The following KPNA7 variants were observed in gnomAD, a reference collection of about 807,000 sequenced individuals.
The protein encoded by KPNA7 is karyopherin subunit alpha 7.
KPNA7 carries 54 observed loss-of-function variants against 53.7 expected under a neutral mutation model. The ratio of observed to expected loss-of-function variants is 1.01; its 90% CI spans 0.81 to 1.26. The LOEUF is 1.26. Ranked by LOEUF, KPNA7 falls within the 50% of genes most tolerant of loss-of-function variation. The pLI is 0.00. For synonymous variants in KPNA7, 276 were observed against 259.3 expected (o/e 1.06, Z -0.62); for missense variants, 640 against 644.5 (o/e 0.99, Z 0.07).
chr7:99,200,210 G>T (rs931831588), intron 3 of KPNA7, among the ~76,000 whole-genome samples: 1 of 151,716 alleles, frequency 6.6e-6, no homozygotes, highest in East Asian at 1.9e-4. Context: ...GCTAATTTTC[G>T]TATTTTTCGT....
At chr7:99,151,131 C>T in the KPNA7 span, among the ~76,000 whole-genome samples, 6,268 of 152,096 alleles carry the variant, frequency 0.041, 437 homozygotes, top group African/African-American at 0.14. Flanking sequence ...GTGAACATGA[C>T]GAAGGTTTTT....
the KPNA7 span, among the ~76,000 whole-genome samples, chr7:99,150,911 G>C: frequency 6.6e-6 from 1 of 152,098 alleles, no homozygotes; most frequent in Non-Finnish European, 1.5e-5. Context: ...TCCTGGCGAG[G>C]CTCTAATCTT....
intron 1 of KPNA7, among the ~76,000 whole-genome samples, chr7:99,213,768 A>G (rs1248008612): frequency 1.3e-5 from 2 of 151,872 alleles, no homozygotes; most frequent in Non-Finnish European, 2.9e-5. Flanking sequence ...GCACCACCAT[A>G]CTCAGCTAAT....
the KPNA7 span, among the ~76,000 whole-genome samples, chr7:99,150,474 G>A: frequency 6.7e-6 from 1 of 149,988 alleles, no homozygotes; most frequent in Non-Finnish European, 1.5e-5. Flanking sequence ...GAGTGCAATG[G>A]CGCGATCTCA....
Position 99,203,089 on chromosome 7 carries a change from A to C in KPNA7, c.201+17T>G. 6.4e-7 allele frequency: 1 copy of C among 1,551,444 alleles called. No individual in the cohort carries two copies. The highest frequency in any genetic ancestry group is 8.7e-7 in the Non-Finnish European group (1 of 1,146,794). ...AACATATTTTGCCCAAGACTACTCT[A>C]AACACTACATACTGACCGCCACCCC... On this transcript the variant is annotated intron_variant, in intron 3 of 10. Transcript: ENST00000327442.
intron 7 of KPNA7, among the ~76,000 whole-genome samples, chr7:99,187,798 TTAAAAAAAAAAA>T (rs1789686582): frequency 3.5e-4 from 1 of 2,892 alleles, no homozygotes; most frequent in African/African-American, 5.3e-4. Context: ...GCCTTTTTTT[TTAAAAAAAAAAA>T]AAAAAAAAAA....
downstream of KPNA7, among the ~76,000 whole-genome samples, chr7:99,170,199 A>G (rs759464657): frequency 6.6e-6 from 1 of 152,198 alleles, no homozygotes; most frequent in Non-Finnish European, 1.5e-5. Flanking sequence ...ATCTGATGGA[A>G]GCCTTTGCCA....
chr7:99,185,806 T>G (rs1240180351), intron 7 of KPNA7, among the ~76,000 whole-genome samples: 1 of 152,122 alleles, frequency 6.6e-6, no homozygotes, highest in Non-Finnish European at 1.5e-5. Context: ...GTTTGTTTGT[T>G]TTTTGAGACA....
At chr7:99,209,701 A>AAAAAAAAAAAG (rs1791003697), upstream of KPNA7, among the ~76,000 whole-genome samples, 8 of 148,378 alleles carry the variant, frequency 5.4e-5, no homozygotes, top group African/African-American at 2.0e-4. Flanking sequence ...AAAAAAAAAA[A>AAAAAAAAAAAG]AAAAAAAAAG....
the KPNA7 span, among the ~76,000 whole-genome samples, chr7:99,154,780 C>T: frequency 6.6e-6 from 1 of 152,088 alleles, no homozygotes; most frequent in Non-Finnish European, 1.5e-5. Flanking sequence ...CCACCTCAAC[C>T]TCTGAAAGTG....
At chr7:99,157,292 C>A in the KPNA7 span, among the ~76,000 whole-genome samples, 1 of 152,196 alleles carries the variant, frequency 6.6e-6, no homozygotes, top group African/African-American at 2.4e-5. Context: ...TGACTGCAAC[C>A]TCCACCTCCC....
chr7:99,197,476 G>A (rs1445202041), intron 3 of KPNA7, among the ~76,000 whole-genome samples: 1 of 152,132 alleles, frequency 6.6e-6, no homozygotes, highest in African/African-American at 2.4e-5. Flanking sequence ...ACATATATAT[G>A]TGAAAAAAGC....
intron 2 of KPNA7, among the ~76,000 whole-genome samples, chr7:99,204,010 C>G (rs776510314): frequency 6.6e-6 from 1 of 152,040 alleles, no homozygotes; most frequent in Non-Finnish European, 1.5e-5. Context: ...GTGCATGGCC[C>G]ATTTCCACTA....
In KPNA7 at chr7:99,207,440, C is replaced by T. The variant is rs1186073389; in HGVS notation, c.27G>A (p.Glu9=). Residue 9 remains glutamate, a synonymous_variant, in exon 2 of 11, where the codon GAG becomes GAA. Transcript: ENST00000327442. MPTLDAPE[E]RRRKFKYRGK... The stretch of plus-strand genomic sequence containing the variant: ...CTCGGTACTTAAATTTTCTCCGCCT[C>T]TCTTCTGGAGCATCTAAGGTCGGCA... 3 of 1,551,278 alleles carry T rather than the reference C, an allele frequency of 1.9e-6. No homozygotes were observed. Among genetic ancestry groups the T allele is most frequent in the African/African-American group, 2.7e-5 (2 of 72,982 alleles).
rs1292822294 is a variant in KPNA7 at position 99,173,573 on chromosome 7, G to C, written c.*135C>G. On this transcript the variant is annotated 3_prime_UTR_variant, in exon 11 of 11. Coordinates refer to ENST00000327442, the MANE Select transcript of KPNA7 (RefSeq NM_001145715.3). The stretch of plus-strand genomic sequence containing the variant: ...ATCTGAAGTTCAGATAGAGAAACGT[G>C]AAAGTGTTGAACATTTTATTAATGT... 3 of 585,554 alleles carry C rather than the reference G, an allele frequency of 5.1e-6. No homozygotes were observed. The highest frequency in any genetic ancestry group is 9.1e-6 in the Non-Finnish European group (3 of 330,664). The allele number at this position is 585,554 out of a possible 1,614,324, so 36.3% of individuals were successfully genotyped here. A position where few individuals can be genotyped will look rare whatever the true frequency, so the allele number is the denominator to read the frequency against.
intron 3 of KPNA7, among the ~76,000 whole-genome samples, chr7:99,199,065 G>GAAA (rs67877761): frequency 0.021 from 1,271 of 60,962 alleles, 69 homozygotes; most frequent in African/African-American, 0.079. Context: ...GCTGCAAACT[G>GAAA]AAAAAAAAAA....
intron 3 of KPNA7, among the ~76,000 whole-genome samples, chr7:99,201,848 C>T (rs1038304279): frequency 2.0e-5 from 3 of 151,848 alleles, no homozygotes; most frequent in Admixed American, 2.0e-4. Flanking sequence ...GCTGGGATTA[C>T]AGGCACCCAC....
chr7:99,167,288 A>G, the KPNA7 span, among the ~76,000 whole-genome samples: 5 of 152,208 alleles, frequency 3.3e-5, no homozygotes, highest in Non-Finnish European at 7.3e-5. Flanking sequence ...TTAGCACAGC[A>G]GTCTCTAATC....
the KPNA7 span, among the ~76,000 whole-genome samples, chr7:99,166,754 G>T: frequency 6.6e-6 from 1 of 151,972 alleles, no homozygotes; most frequent in Non-Finnish European, 1.5e-5. Context: ...CAAGTAGCTG[G>T]GATTACAGGC....
Sources: gnomAD v4.1 joint callset for allele counts (sites outside exome capture counted in the v4.1 genomes callset) on GRCh38, gnomAD v4.1.1 for gene constraint, MANE v1.5 for transcripts, NCBI Gene and HGNC (gene_info 2026-07-23, HGNC 2026-07-21) for gene names.